DLGAP2: variants seen among roughly 807,000 people sequenced by gnomAD.
The protein encoded by DLGAP2 is DLG associated protein 2.
Under a neutral mutation model 100.3 loss-of-function variants are expected in DLGAP2, and 26 were observed. That is an observed-to-expected ratio of 0.26 (90% confidence interval 0.19 to 0.36). The LOEUF is 0.36. Ranked by LOEUF, DLGAP2 falls within the 10% of genes least tolerant of loss-of-function variation. The pLI, the probability that DLGAP2 is intolerant of heterozygous loss-of-function variation, is 1.00. For synonymous variants in DLGAP2, 886 were observed against 630.1 expected, an observed-to-expected ratio of 1.41 and a Z score of -6.08; for missense variants, 1,858 against 1,453.2, an observed-to-expected ratio of 1.28 and a Z score of -4.53.
At chr8:857,635 AC>A (rs1314086264) in intron 1 of DLGAP2, among the ~76,000 whole-genome samples, 1 of 152,102 alleles carries the variant, frequency 6.6e-6, no homozygotes, top group Non-Finnish European at 1.5e-5. Flanking sequence ...ACAGTGCCAC[AC>A]CCCTGCTGGA....
chr8:1,609,171 A>G (rs1421750329), intron 6 of DLGAP2, among the ~76,000 whole-genome samples: 2 of 137,158 alleles, frequency 1.5e-5, no homozygotes, highest in Non-Finnish European at 3.2e-5. Flanking sequence ...AGGGAAGCCC[A>G]TCAGACTAAC....
chr8:1,200,351 T>G (rs996796090), intron 2 of DLGAP2, among the ~76,000 whole-genome samples: 2 of 152,216 alleles, frequency 1.3e-5, no homozygotes, highest in South Asian at 4.1e-4. Context: ...GGCTCCTAAT[T>G]CATCTTCAGA....
chr8:990,303 T>G (rs990270988), intron 2 of DLGAP2, among the ~76,000 whole-genome samples: 5 of 151,766 alleles, frequency 3.3e-5, no homozygotes, highest in Non-Finnish European at 7.4e-5. Flanking sequence ...TCTATGAAAG[T>G]GGCCCAGACC....
chr8:1,272,818 G>C (rs1450333568), intron 3 of DLGAP2, among the ~76,000 whole-genome samples: 1 of 152,098 alleles, frequency 6.6e-6, no homozygotes, highest in Non-Finnish European at 1.5e-5. Flanking sequence ...ATGAGCTGCC[G>C]GCCTGCAAGT....
chr8:1,205,857 C>CA (rs896277734), intron 2 of DLGAP2, among the ~76,000 whole-genome samples: 3 of 152,054 alleles, frequency 2.0e-5, no homozygotes, highest in African/African-American at 7.2e-5. Context: ...TTTTTCCCTT[C>CA]AAAAATAAAG....
At chr8:1,049,614 C>T (rs928556061) in intron 2 of DLGAP2, among the ~76,000 whole-genome samples, 2 of 151,912 alleles carry the variant, frequency 1.3e-5, no homozygotes, top group Non-Finnish European at 2.9e-5. Context: ...CTGAAATAAC[C>T]ACTATTGACA....
intron 3 of DLGAP2, among the ~76,000 whole-genome samples, chr8:1,482,232 A>AAGTC (rs1799118273): frequency 6.6e-6 from 1 of 152,218 alleles, no homozygotes; most frequent in Non-Finnish European, 1.5e-5. Flanking sequence ...CTTGCTTTTC[A>AAGTC]AGTCACTGTT....
At chr8:1,468,608 G>C (rs969777259) in intron 3 of DLGAP2, among the ~76,000 whole-genome samples, 1 of 152,220 alleles carries the variant, frequency 6.6e-6, no homozygotes, top group Non-Finnish European at 1.5e-5. Flanking sequence ...CTCCACCCTT[G>C]AAGGAAACCT....
chr8:1,428,062 A>T (rs1797287042), intron 3 of DLGAP2, among the ~76,000 whole-genome samples: 1 of 152,184 alleles, frequency 6.6e-6, no homozygotes, highest in Non-Finnish European at 1.5e-5. Context: ...TAAATGACTT[A>T]CATAGCAAAA....
chr8:1,392,436 A>C (rs1207317231), intron 3 of DLGAP2, among the ~76,000 whole-genome samples: 2 of 152,122 alleles, frequency 1.3e-5, no homozygotes, highest in Admixed American at 6.5e-5. Context: ...TGACTTGCTA[A>C]TGGGAGGCAA....
intron 3 of DLGAP2, among the ~76,000 whole-genome samples, chr8:1,429,252 G>C (rs968876593): frequency 6.6e-6 from 1 of 152,148 alleles, no homozygotes; most frequent in African/African-American, 2.4e-5. Flanking sequence ...TCAGCTGGTG[G>C]TTTCTGATTG....
intron 2 of DLGAP2, among the ~76,000 whole-genome samples, chr8:912,414 C>T (rs544976164): frequency 3.3e-4 from 50 of 152,274 alleles, no homozygotes; most frequent in Admixed American, 2.9e-3. Flanking sequence ...ATCAGGTCCC[C>T]GCAGCAATGT....
chr8:861,579 CTTTTA>C (rs1052306370), intron 1 of DLGAP2, among the ~76,000 whole-genome samples: 2 of 152,228 alleles, frequency 1.3e-5, no homozygotes, highest in African/African-American at 2.4e-5. Context: ...AGTTTATCCG[CTTTTA>C]TTTTAACAGC....
rs185801296 is a variant in DLGAP2, at chr8:1,267,392, C to G, written c.106+8509C>G. Among the ~76,000 whole-genome samples the G allele has an allele frequency of 3.9e-3, 587 of 150,492 alleles. 5 individuals are homozygous for G. The highest frequency in any genetic ancestry group is 0.013 in the African/African-American group (549 of 41,068). ...ACCAGTCTGACCAACATGGTGAAAC[C>G]CCATCTCTACTGAAAATACAAAAAT... is the stretch of plus-strand genomic sequence containing the variant. On this transcript the variant is annotated intron_variant, in intron 3 of 14. Transcript: ENST00000637795.
chr8:1,173,884 C>T (rs1338272710), intron 2 of DLGAP2, among the ~76,000 whole-genome samples: 1 of 152,218 alleles, frequency 6.6e-6, no homozygotes, highest in Non-Finnish European at 1.5e-5. Context: ...GTGCACGCAC[C>T]CACTGACCTG....
chr8:1,189,497 T>C (rs935103591), intron 2 of DLGAP2, among the ~76,000 whole-genome samples: 3 of 152,192 alleles, frequency 2.0e-5, no homozygotes, highest in African/African-American at 7.2e-5. Flanking sequence ...AAGCAACTAG[T>C]GTAGAGTAAC....
At chr8:1,019,853 G>A (rs1348310873) in intron 2 of DLGAP2, 1 of 152,212 alleles carries the variant, frequency 6.6e-6, no homozygotes, top group Non-Finnish European at 1.5e-5. Flanking sequence ...CTGGTTTCTT[G>A]CAGGGACAAA....
In DLGAP2 at chr8:1,702,255, C is replaced by T. The variant is rs972031081; in HGVS notation, c.*849C>T. 7.2e-5 allele frequency: 11 copies of T among 151,876 alleles called. No individual in the cohort carries two copies. The highest frequency in any genetic ancestry group is 1.6e-4 in the Non-Finnish European group (11 of 67,992). The allele number at this position is 151,876 out of a possible 1,614,324, so 9.4% of individuals were successfully genotyped here. On this transcript the variant is annotated 3_prime_UTR_variant, in exon 15 of 15. Transcript: ENST00000637795. ...TCTTTCTAACTTAAAATACGACACC[C>T]AGTATTTTCTTTAAGTTTCACCATT... is the stretch of plus-strand genomic sequence containing the variant.
At chr8:1,104,083 G>A (rs918818763) in intron 2 of DLGAP2, among the ~76,000 whole-genome samples, 4 of 152,212 alleles carry the variant, frequency 2.6e-5, no homozygotes, top group Admixed American at 6.5e-5. Context: ...TCACCACAGC[G>A]AGATGTGTGC....
Sources: gnomAD v4.1 joint callset for allele counts (sites outside exome capture counted in the v4.1 genomes callset) on GRCh38, gnomAD v4.1.1 for gene constraint, MANE v1.5 for transcripts, NCBI Gene and HGNC (gene_info 2026-07-23, HGNC 2026-07-21) for gene names.